MYOF: variants seen among roughly 807,000 people sequenced by gnomAD.
The protein encoded by MYOF is myoferlin.
In MYOF, 244 loss-of-function variants were observed where a neutral mutation model predicts 284.2. That is an observed-to-expected ratio of 0.86 (90% CI 0.77 to 0.95). The LOEUF (loss-of-function observed/expected upper bound fraction) is 0.95. Ranked by LOEUF, MYOF falls within the 40% of genes least tolerant of loss-of-function variation. The pLI, the probability that MYOF is intolerant of heterozygous loss-of-function variation, is 0.00. For synonymous variants in MYOF, 904 were observed against 919.7 expected, an observed-to-expected ratio of 0.98 and a Z score of 0.31; for missense variants, 2,496 against 2,560.6, an observed-to-expected ratio of 0.97 and a Z score of 0.54.
chr10:93,310,414 C>A, intron 52 of MYOF, 120 bp downstream of exon 52: 1 of 1,072,056 alleles, frequency 9.3e-7, no homozygotes. Flanking sequence ...CCCCACCCAC[C>A]ACTATTAAAT....
At chr10:93,367,932 C>T (rs774579994) in intron 25 of MYOF, among the ~76,000 whole-genome samples, 2 of 152,106 alleles carry the variant, frequency 1.3e-5, no homozygotes, top group Non-Finnish European at 2.9e-5. Flanking sequence ...ACAGGTGAGT[C>T]ACACAGAACA....
chr10:93,351,899 C>T, intron 32 of MYOF, 53 bp from the exon 33 acceptor site: 2 of 1,453,668 alleles, frequency 1.4e-6, no homozygotes, highest in Non-Finnish European at 9.3e-7. Context: ...TCTAACTCCC[C>T]AGAACCACTC....
intron 28 of MYOF, among the ~76,000 whole-genome samples, chr10:93,360,420 T>C (rs1244337652): frequency 6.6e-6 from 1 of 152,240 alleles, no homozygotes; most frequent in East Asian, 1.9e-4. Context: ...TAAAGTGGGA[T>C]TATAGGGTTA....
Position 93,310,644 on chromosome 10 carries a change from C to A in MYOF, c.5890-1G>T. ...TTTCCAATGTCATCTCCACTTTCCC[C>A]TTCAGTAAAGCAGAGCAGGTTAAAC... On this transcript the variant is annotated splice_acceptor_variant, in intron 51 of 53. Coordinates refer to ENST00000359263, the MANE Select transcript of MYOF (RefSeq NM_013451.4). LOFTEE classifies it high-confidence loss of function. The A allele has an allele frequency of 1.2e-6, 2 of 1,614,090 alleles. No individual in the cohort carries two copies. Among genetic ancestry groups the A allele is most frequent in the Non-Finnish European group, 1.7e-6 (2 of 1,179,926 alleles).
intron 1 of MYOF, among the ~76,000 whole-genome samples, chr10:93,468,947 C>A (rs184943114): frequency 6.6e-6 from 1 of 152,168 alleles, no homozygotes; most frequent in Non-Finnish European, 1.5e-5. Flanking sequence ...AAGCAAAGGA[C>A]CAAGCATCCC....
intron 22 of MYOF, among the ~76,000 whole-genome samples, chr10:93,375,917 T>C (rs895211421): frequency 1.3e-5 from 2 of 152,204 alleles, no homozygotes; most frequent in Admixed American, 1.3e-4. Flanking sequence ...CCTCCCACCA[T>C]GGCATCTGGT....
intron 5 of MYOF, among the ~76,000 whole-genome samples, chr10:93,412,918 A>T (rs1169696082): frequency 6.6e-6 from 1 of 152,014 alleles, no homozygotes; most frequent in Non-Finnish European, 1.5e-5. Flanking sequence ...CCCTCGGTAA[A>T]CCTGTCCTGG....
intron 39 of MYOF, 24 bp downstream of exon 39, chr10:93,340,129 T>C (rs1173835872): frequency 6.2e-7 from 1 of 1,613,124 alleles, no homozygotes; most frequent in Non-Finnish European, 8.5e-7. Context: ...ATCTTAAATG[T>C]AGCAAAATGT....
At chr10:93,454,114 G>A (rs1174404789) in intron 2 of MYOF, among the ~76,000 whole-genome samples, 4 of 152,022 alleles carry the variant, frequency 2.6e-5, no homozygotes, top group African/African-American at 2.4e-5. Context: ...CCCAGGAGGC[G>A]GAAGTTGCAG....
At position 93,460,607 on chromosome 10, in the gene MYOF, T is replaced by C. The variant is rs542350707; in HGVS notation, c.89-3670A>G. On this transcript the variant is annotated intron_variant, in intron 1 of 53. Transcript: ENST00000359263. ...GGGTGAAACCCCGTCTCTACTAAAA[T>C]ACAAAAAATATTAGCCGGGCATGGT... is the stretch of plus-strand genomic sequence containing the variant. Among the ~76,000 whole-genome samples, 13 of 151,008 alleles carry C rather than the reference T, an allele frequency of 8.6e-5. No individual in the cohort carries two copies. The South Asian group carries it at 2.7e-3, about 32-fold the overall frequency.
Position 93,469,701 on chromosome 10 carries a change from C to T in MYOF, c.88+12406G>A, listed in dbSNP as rs1589616739. Among the ~76,000 whole-genome samples, 3 of 152,210 alleles carry T rather than the reference C, an allele frequency of 2.0e-5. No homozygotes were observed. The Middle Eastern group carries it at 0.01, about 518-fold the overall frequency. On this transcript the variant is annotated intron_variant, in intron 1 of 53. Coordinates refer to ENST00000359263, the MANE Select transcript of MYOF (RefSeq NM_013451.4). ...CAGCAATGTGGGCTGAGTTCACGTGCCTGACCACAGGATGGGCCAGATTTG... is the reference window on the plus strand; with the variant it reads ...CAGCAATGTGGGCTGAGTTCACGTGTCTGACCACAGGATGGGCCAGATTTG...
chr10:93,402,626 T>C (rs1393014367), intron 10 of MYOF, among the ~76,000 whole-genome samples: 3 of 151,496 alleles, frequency 2.0e-5, no homozygotes, highest in Non-Finnish European at 4.4e-5. Context: ...TCACAAAACA[T>C]AGAAATCATC....
At position 93,397,380 on chromosome 10, in the gene MYOF, A is replaced by G. The variant is rs1392511602; in HGVS notation, c.1290+8T>C. 40 of 1,609,146 alleles carry G rather than the reference A, an allele frequency of 2.5e-5. No individual in the cohort carries two copies. Among genetic ancestry groups the G allele is most frequent in the Non-Finnish European group, 3.3e-5 (39 of 1,178,118 alleles). On this transcript the variant is annotated splice_region_variant and intron_variant, in intron 14 of 53. Coordinates refer to ENST00000359263, the MANE Select transcript of MYOF (RefSeq NM_013451.4). Reference sequence around the variant, plus strand: ...TCTTACTTTTTCAGAAAGAAAATAAAGTCAAACCTTGATCTGAAGATTGAC... The same window carrying G: ...TCTTACTTTTTCAGAAAGAAAATAAGGTCAAACCTTGATCTGAAGATTGAC...
At chr10:93,355,172 ACTC>A (rs1356145991) in intron 31 of MYOF, among the ~76,000 whole-genome samples, 1 of 151,996 alleles carries the variant, frequency 6.6e-6, no homozygotes, top group African/African-American at 2.4e-5. Context: ...AGTTTTAAAA[ACTC>A]CTTTCATCAA....
chr10:93,472,544 C>T (rs1425450386), intron 1 of MYOF, among the ~76,000 whole-genome samples: 1 of 152,118 alleles, frequency 6.6e-6, no homozygotes, highest in Non-Finnish European at 1.5e-5. Context: ...GAGGCTGAGG[C>T]AGGAGAATCG....
At chr10:93,352,418 T>G (rs1844567597) in intron 32 of MYOF, among the ~76,000 whole-genome samples, 1 of 152,218 alleles carries the variant, frequency 6.6e-6, no homozygotes, top group South Asian at 2.1e-4. Context: ...AAATATTTAT[T>G]GAGTTCCAGG....
chr10:93,437,863 A>G (rs952869563), intron 3 of MYOF, among the ~76,000 whole-genome samples: 9 of 152,174 alleles, frequency 5.9e-5, no homozygotes, highest in Middle Eastern at 3.2e-3. Context: ...GCCAAAAGGC[A>G]GGAGAGCCAA....
At chr10:93,478,544 C>T (rs937695235) in intron 1 of MYOF, among the ~76,000 whole-genome samples, 27 of 152,144 alleles carry the variant, frequency 1.8e-4, no homozygotes, top group African/African-American at 3.6e-4. Context: ...GGGTCACTCA[C>T]GGTTGAACAC....
intron 3 of MYOF, among the ~76,000 whole-genome samples, chr10:93,448,820 C>A (rs1274310876): frequency 6.6e-6 from 1 of 152,134 alleles, no homozygotes; most frequent in African/African-American, 2.4e-5. Flanking sequence ...CATAGTGAAA[C>A]CCTGTCTCTG....
Sources: allele counts gnomAD v4.1 joint callset (sites outside exome capture counted in the v4.1 genomes callset), GRCh38; gene constraint gnomAD v4.1.1; transcripts MANE v1.5; gene names NCBI Gene and HGNC (gene_info 2026-07-23, HGNC 2026-07-21).